The following PLAAT1 variants were observed in gnomAD, a reference collection of about 807,000 sequenced individuals.
PLAAT1 encodes the protein H-REV107 protein-related protein.
Under a neutral mutation model 16.4 loss-of-function variants are expected in PLAAT1, and 13 were observed. The observed-to-expected ratio is 0.79, with a 90% confidence interval of 0.52 to 1.26. PLAAT1 has a LOEUF of 1.26. Among genes scored for constraint, PLAAT1 ranks in the 50% most tolerant of loss-of-function variants. PLAAT1 has a pLI of 0.00. For synonymous variants in PLAAT1, 73 were observed against 78.4 expected, an observed-to-expected ratio of 0.93 and a Z score of 0.36; for missense variants, 218 against 207.8, an observed-to-expected ratio of 1.05 and a Z score of -0.30.
At chr3:193,243,172 G>A (rs999781875) in intron 1 of PLAAT1, among the ~76,000 whole-genome samples, 6 of 152,198 alleles carry the variant, frequency 3.9e-5, no homozygotes, top group African/African-American at 1.4e-4. Context: ...TGTTCATACA[G>A]TTCTTTGCAG....
intron 2 of PLAAT1, among the ~76,000 whole-genome samples, chr3:193,276,328 G>A (rs1050021358): frequency 3.3e-5 from 5 of 152,194 alleles, no homozygotes; most frequent in African/African-American, 1.2e-4. Context: ...TTCAAGAAAA[G>A]GAATTGACTA....
At chr3:193,246,931 A>AT (rs1716003354) in intron 1 of PLAAT1, among the ~76,000 whole-genome samples, 1 of 152,068 alleles carries the variant, frequency 6.6e-6, no homozygotes, top group African/African-American at 2.4e-5. Context: ...CTTGAGAAGG[A>AT]TTGGTATTTC....
chr3:193,262,924 T>C (rs764626440), intron 2 of PLAAT1, 46 bp from the exon 3 acceptor site: 34 of 1,594,570 alleles, frequency 2.1e-5, no homozygotes, highest in African/African-American at 5.4e-5. Flanking sequence ...GTAGAGTTCA[T>C]TGGACTGGGT....
rs1715724612 is a variant in PLAAT1 at position 193,241,247 on chromosome 3, G to GCGCCCGGA, written c.-282_-275dup. The GCGCCCGGA allele has an allele frequency of 1.2e-5, 15 of 1,226,406 alleles. 1 individual carries two copies. The East Asian group carries it at 4.8e-4, about 39-fold the overall frequency. 76.0% of individuals were successfully genotyped at this position (1,226,406 alleles called of 1,614,324 possible). A position where few individuals can be genotyped will look rare whatever the true frequency, so the allele number is the denominator to read the frequency against. On this transcript the variant is annotated 5_prime_UTR_variant, in exon 1 of 4. Coordinates refer to ENST00000264735, the MANE Select transcript of PLAAT1 (RefSeq NM_020386.5). ...GTCAGAGCCTCGTGCCGGCTCGGCA[G>GCGCCCGGA]CGCCCGGACGCCGAGCCCAGCGCGT...
chr3:193,265,471 G>T (rs1238805170), intron 3 of PLAAT1, among the ~76,000 whole-genome samples: 1 of 152,148 alleles, frequency 6.6e-6, no homozygotes, highest in African/African-American at 2.4e-5. Flanking sequence ...GTGGTTGCCT[G>T]GGGCTGAGGT....
chr3:193,274,031 G>A (rs1266256548), downstream of PLAAT1, among the ~76,000 whole-genome samples: 48 of 152,170 alleles, frequency 3.2e-4, no homozygotes, highest in African/African-American at 2.4e-5. Context: ...ATCACTTGAG[G>A]TCAGGAGTTT....
intron 1 of PLAAT1, among the ~76,000 whole-genome samples, chr3:193,246,483 C>T (rs1427036622): frequency 1.3e-5 from 2 of 152,148 alleles, no homozygotes; most frequent in Non-Finnish European, 2.9e-5. Context: ...CCTCTCACCT[C>T]AGCCTCTCAA....
intron 3 of PLAAT1, among the ~76,000 whole-genome samples, chr3:193,264,091 T>C (rs1420612860): frequency 6.6e-6 from 1 of 152,220 alleles, no homozygotes; most frequent in African/African-American, 2.4e-5. Flanking sequence ...ATGAAAACTT[T>C]TTAAAAGGCA....
intron 1 of PLAAT1, among the ~76,000 whole-genome samples, chr3:193,244,881 C>T (rs989816836): frequency 6.6e-6 from 1 of 152,152 alleles, no homozygotes; most frequent in Non-Finnish European, 1.5e-5. Context: ...ATAGATTAAT[C>T]CATTCATGAG....
intron 1 of PLAAT1, among the ~76,000 whole-genome samples, chr3:193,246,361 ATGTAT>A (rs199896560): frequency 0.014 from 1,582 of 117,040 alleles, 54 homozygotes; most frequent in East Asian, 0.084. Flanking sequence ...TTATTTATTA[ATGTAT>A]TTATTTATTT....
chr3:193,244,512 A>G (rs1194009728), intron 1 of PLAAT1, among the ~76,000 whole-genome samples: 1 of 151,858 alleles, frequency 6.6e-6, no homozygotes, highest in Non-Finnish European at 1.5e-5. Flanking sequence ...TATGGGGTAC[A>G]ACGTGATGTT....
intron 2 of PLAAT1, chr3:193,276,896 ATTAT>A (rs1189414284): frequency 5.5e-5 from 63 of 1,147,210 alleles, no homozygotes; most frequent in Non-Finnish European, 7.3e-5. Context: ...GACCATATTA[ATTAT>A]TTAATTTATA....
At chr3:193,253,711 A>G (rs1037459118) in intron 1 of PLAAT1, among the ~76,000 whole-genome samples, 1 of 152,166 alleles carries the variant, frequency 6.6e-6, no homozygotes, top group African/African-American at 2.4e-5. Context: ...AGCTCACATC[A>G]GTAACACCTA....
downstream of PLAAT1, among the ~76,000 whole-genome samples, chr3:193,272,959 T>TA (rs1413486669): frequency 6.6e-6 from 1 of 152,216 alleles, no homozygotes; most frequent in Admixed American, 6.5e-5. Flanking sequence ...CCAAGACTAT[T>TA]AAACCTTTCT....
At chr3:193,244,246 G>T (rs981387478) in intron 1 of PLAAT1, among the ~76,000 whole-genome samples, 13 of 151,982 alleles carry the variant, frequency 8.6e-5, no homozygotes, top group African/African-American at 3.1e-4. Context: ...TTATTCTCAG[G>T]GGTAAATGCC....
chr3:193,251,473 C>T (rs1307590736), intron 1 of PLAAT1, among the ~76,000 whole-genome samples: 3 of 152,190 alleles, frequency 2.0e-5, no homozygotes, highest in Non-Finnish European at 4.4e-5. Context: ...TGATTCTGGG[C>T]ACTACAGCAG....
At chr3:193,280,775 C>G (rs1489362746), downstream of PLAAT1, among the ~76,000 whole-genome samples, 2 of 152,152 alleles carry the variant, frequency 1.3e-5, no homozygotes, top group African/African-American at 4.8e-5. Context: ...ATTTAATCAG[C>G]ATTGCCATGA....
intron 3 of PLAAT1, among the ~76,000 whole-genome samples, chr3:193,269,514 T>C (rs1050347834): frequency 2.0e-5 from 3 of 152,130 alleles, no homozygotes; most frequent in African/African-American, 4.8e-5. Flanking sequence ...GGAGGTAGCA[T>C]TGTGTTGCAG....
At chr3:193,263,528 C>A (rs1211727924) in intron 3 of PLAAT1, among the ~76,000 whole-genome samples, 1 of 152,150 alleles carries the variant, frequency 6.6e-6, no homozygotes, top group Non-Finnish European at 1.5e-5. Flanking sequence ...CACCATACAG[C>A]AGTTTCAAAT....
Sources: gnomAD v4.1 joint callset for allele counts (sites outside exome capture counted in the v4.1 genomes callset) on GRCh38, gnomAD v4.1.1 for gene constraint, MANE v1.5 for transcripts, NCBI Gene and HGNC (gene_info 2026-07-23, HGNC 2026-07-21) for gene names.